GNPTAB: variants seen among roughly 807,000 people sequenced by gnomAD.
The protein encoded by GNPTAB is N-acetylglucosamine-1-phosphotransferase subunits alpha/beta.
Under a neutral mutation model 136.6 loss-of-function variants are expected in GNPTAB, and 92 were observed. The ratio of observed to expected loss-of-function variants is 0.67; its 90% CI spans 0.57 to 0.80. GNPTAB has a LOEUF of 0.80. Among genes scored for constraint, GNPTAB ranks in the 30% least tolerant of loss-of-function variants. GNPTAB has a pLI of 0.00. For synonymous variants in GNPTAB, 512 were observed against 535.1 expected (o/e 0.96, Z 0.60); for missense variants, 1,343 against 1,501.8 (o/e 0.89, Z 1.75).
chr12:101,766,427 C>T, intron 11 of GNPTAB, 133 bp from the exon 12 acceptor site: 1 of 769,970 alleles, frequency 1.3e-6, no homozygotes, highest in Non-Finnish European at 2.2e-6. Context: ...CACCTGAGGT[C>T]AGGAGTTTGA....
chr12:101,796,826 CATTTT>C, intron 1 of GNPTAB, 64 bp from the exon 2 acceptor site: 4 of 1,083,418 alleles, frequency 3.7e-6, no homozygotes, highest in Non-Finnish European at 5.6e-6. Context: ...ACTTTCATTT[CATTTT>C]AATTTCATTA....
At chr12:101,784,125 G>A (rs1566084499) in intron 5 of GNPTAB, among the ~76,000 whole-genome samples, 1 of 152,134 alleles carries the variant, frequency 6.6e-6, no homozygotes, top group Non-Finnish European at 1.5e-5. Flanking sequence ...AAAATTCCAT[G>A]AGAAAAACCA....
At chr12:101,813,415 AG>A (rs753539673) in intron 1 of GNPTAB, among the ~76,000 whole-genome samples, 18 of 152,180 alleles carry the variant, frequency 1.2e-4, no homozygotes, top group Non-Finnish European at 1.9e-4. Context: ...AGAAGTGGGT[AG>A]GGTGCTACAT....
chr12:101,805,823 C>T (rs1201610713), intron 1 of GNPTAB, among the ~76,000 whole-genome samples: 2 of 152,116 alleles, frequency 1.3e-5, no homozygotes, highest in East Asian at 1.9e-4. Flanking sequence ...AATTCCACTA[C>T]AAGAAACATA....
chr12:101,811,616 C>A (rs1594254917), intron 1 of GNPTAB, among the ~76,000 whole-genome samples: 1 of 149,236 alleles, frequency 6.7e-6, no homozygotes. Context: ...AGGAAGAGAG[C>A]AAAGGAGGAG....
chr12:101,761,656 A>C lies in GNPTAB; in HGVS notation c.2823T>G (p.Ile941Met). 1.9e-6 allele frequency: 3 copies of C among 1,614,106 alleles called. No homozygotes were observed. Among genetic ancestry groups the C allele is most frequent in the Non-Finnish European group, 2.5e-6 (3 of 1,179,968 alleles). ...FADSLRYVNK[I>M]LNSKFGFTSR... is the part of the protein sequence containing the mutation. ...ATGTGAATCCAAACTTGCTATTTAG[A>C]ATTTTATTTACATATCTGAGGGAAT... The change falls in exon 14 of 21, where the codon ATT becomes ATG. Residue 941 changes from isoleucine (I) to methionine (M), a missense_variant. Coordinates refer to ENST00000299314, the MANE Select transcript of GNPTAB (RefSeq NM_024312.5).
rs1473666058 is a variant in GNPTAB, at chr12:101,757,402, T to C, written c.3336-92A>G. ...GAAAATACATTTTTTAAAACCGTAG[T>C]GGACTCAACATCCACAAAATAACTT... On this transcript the variant is annotated intron_variant, in intron 17 of 20. Coordinates refer to ENST00000299314, the MANE Select transcript of GNPTAB (RefSeq NM_024312.5). The C allele has an allele frequency of 1.2e-5, 10 of 841,682 alleles. No homozygotes were observed. The East Asian group carries it at 2.4e-4, about 20-fold the overall frequency. The allele number at this position is 841,682 out of a possible 1,614,324, so 52.1% of individuals were successfully genotyped here. A position where few individuals can be genotyped will look rare whatever the true frequency, so the allele number is the denominator to read the frequency against.
chr12:101,815,624 A>G (rs77785738), intron 1 of GNPTAB, among the ~76,000 whole-genome samples: 1 of 23,082 alleles, frequency 4.3e-5, no homozygotes, highest in Admixed American at 3.8e-4. Context: ...CCCTGTTCCA[A>G]AAAAAAAAAA....
chr12:101,768,410 G>A (rs1276388812), intron 10 of GNPTAB, among the ~76,000 whole-genome samples: 1 of 152,172 alleles, frequency 6.6e-6, no homozygotes, highest in Non-Finnish European at 1.5e-5. Flanking sequence ...AGCAGACAAG[G>A]ATTCAACTCA....
In GNPTAB at chr12:101,747,276, C is replaced by T. The variant is rs537540401; in HGVS notation, c.3694-35G>A. The T allele has an allele frequency of 4.0e-4, 491 of 1,229,200 alleles. 5 individuals carry two copies. In the South Asian group the frequency reaches 5.6e-3, roughly 14 times the overall value. The allele number at this position is 1,229,200 out of a possible 1,614,324, so 76.1% of individuals were successfully genotyped here. On this transcript the variant is annotated intron_variant, in intron 20 of 20. Coordinates refer to ENST00000299314, the MANE Select transcript of GNPTAB (RefSeq NM_024312.5). ...GAAAGACAGAAAATACATTTTAATT[C>T]TCACGTTGATGAAAGAATATAAGTG...
At position 101,757,285 on chromosome 12, in the gene GNPTAB, TTTC is replaced by T. The variant is rs771601013; in HGVS notation, c.3358_3360del (p.Glu1120del). 6.2e-7 allele frequency: 1 copy of T among 1,604,570 alleles called. No individual in the cohort carries two copies. The highest frequency in any genetic ancestry group is 1.1e-5 in the South Asian group (1 of 90,396). On this transcript the variant is annotated inframe_deletion, in exon 18 of 21. Coordinates refer to ENST00000299314, the MANE Select transcript of GNPTAB (RefSeq NM_024312.5). Reference sequence around the variant, plus strand: ...TTGGTACGAATCATTTTAAAAGCGATTTCTTCTTCTCCCATGATTTCAAACCTA... The same window carrying T: ...TTGGTACGAATCATTTTAAAAGCGATTTCTTCTCCCATGATTTCAAACCTA...
At chr12:101,773,412 GA>G in intron 7 of GNPTAB, 1 of 268,574 alleles carries the variant, frequency 3.7e-6, no homozygotes, top group African/African-American at 2.3e-5. Flanking sequence ...TTCACTTTGC[GA>G]AGGTCCAGGG....
At chr12:101,762,373 C>A (rs941738947) in intron 13 of GNPTAB, among the ~76,000 whole-genome samples, 7 of 152,196 alleles carry the variant, frequency 4.6e-5, no homozygotes, top group African/African-American at 1.7e-4. Flanking sequence ...GTTGGTTAGA[C>A]TGCAGTGAAA....
intron 11 of GNPTAB, among the ~76,000 whole-genome samples, chr12:101,766,510 C>T (rs1381039351): frequency 1.3e-5 from 2 of 152,028 alleles, no homozygotes; most frequent in South Asian, 2.1e-4. Context: ...TGGTGGTGGG[C>T]GCCTGTAATC....
At chr12:101,795,301 A>C (rs1163911772) in intron 2 of GNPTAB, among the ~76,000 whole-genome samples, 2 of 152,208 alleles carry the variant, frequency 1.3e-5, no homozygotes, top group Non-Finnish European at 2.9e-5. Context: ...CAGAACTGCT[A>C]TATTAAGGAA....
chr12:101,800,626 A>C (rs1055827265), intron 1 of GNPTAB, among the ~76,000 whole-genome samples: 4 of 149,470 alleles, frequency 2.7e-5, no homozygotes, highest in African/African-American at 7.4e-5. Context: ...AAAAAAAAAA[A>C]AATCAGCCAG....
intron 1 of GNPTAB, among the ~76,000 whole-genome samples, chr12:101,797,600 G>A (rs1241001337): frequency 6.6e-6 from 1 of 152,142 alleles, no homozygotes; most frequent in Admixed American, 6.5e-5. Context: ...CTCCAGCCTG[G>A]GCAACAGAGC....
In GNPTAB at chr12:101,766,145, C is replaced by T; in HGVS notation, c.1558G>A (p.Asp520Asn). 6.2e-7 allele frequency: 1 copy of T among 1,614,136 alleles called. No homozygotes were observed. Among genetic ancestry groups the T allele is most frequent in the Non-Finnish European group, 8.5e-7 (1 of 1,180,018 alleles). ...ANSWLADKFCDQACNVLSCGF... is the reference protein window; with the variant it reads ...ANSWLADKFCNQACNVLSCGF... ...CAGGACAAGACATTGCATGCTTGGTCACAGAACTTATCAGCGAGCCAGGAA... is the reference window on the plus strand; with the variant it reads ...CAGGACAAGACATTGCATGCTTGGTTACAGAACTTATCAGCGAGCCAGGAA... Residue 520 changes from aspartate (D) to asparagine (N), a missense_variant, in exon 12 of 21, where the codon GAC becomes AAC. Transcript: ENST00000299314.
chr12:101,824,126 G>A (rs1217915536), intron 1 of GNPTAB, among the ~76,000 whole-genome samples: 1 of 152,088 alleles, frequency 6.6e-6, no homozygotes, highest in East Asian at 1.9e-4. Context: ...CGATCCCAGT[G>A]GTTAACAAGG....
Sources: allele counts gnomAD v4.1 joint callset (sites outside exome capture counted in the v4.1 genomes callset), GRCh38; gene constraint gnomAD v4.1.1; transcripts MANE v1.5; gene names NCBI Gene and HGNC (gene_info 2026-07-23, HGNC 2026-07-21).